The following SMAD2 variants were observed in gnomAD, a reference collection of about 807,000 sequenced individuals.
The protein encoded by SMAD2 is MAD homolog 2.
Under a neutral mutation model 64.4 loss-of-function variants are expected in SMAD2, and 8 were observed. That is an observed-to-expected ratio of 0.12 (90% CI 0.07 to 0.22). The LOEUF (loss-of-function observed/expected upper bound fraction) is 0.22. Among genes scored for constraint, SMAD2 ranks in the 10% least tolerant of loss-of-function variants. The pLI, the probability that SMAD2 is intolerant of heterozygous loss-of-function variation, is 1.00. For synonymous variants in SMAD2, 203 were observed against 195.8 expected (o/e 1.04, Z -0.31); for missense variants, 289 against 561.2 (o/e 0.51, Z 4.90).
In SMAD2 at chr18:47,822,768, C is replaced by T. The variant is rs886904987; in HGVS notation, c.*19059G>A. The stretch of plus-strand genomic sequence containing the variant: ...GATCTTGTTTCAGTGCAACTTCTGC[C>T]TCCAGGGTTCAAGCAATTCTGTCTC... On this transcript the variant is annotated 3_prime_UTR_variant, in exon 11 of 11. Coordinates refer to ENST00000262160, the MANE Select transcript of SMAD2 (RefSeq NM_005901.6). 2 of 152,270 alleles carry T rather than the reference C, an allele frequency of 1.3e-5. No homozygotes were observed. The highest frequency in any genetic ancestry group is 2.4e-5 in the African/African-American group (1 of 41,466). 9.4% of individuals were successfully genotyped at this position (152,270 alleles called of 1,614,324 possible). A position where few individuals can be genotyped will look rare whatever the true frequency, so the allele number is the denominator to read the frequency against.
chr18:47,907,480 C>A (rs1282806620), intron 1 of SMAD2, among the ~76,000 whole-genome samples: 1 of 152,220 alleles, frequency 6.6e-6, no homozygotes, highest in Non-Finnish European at 1.5e-5. Flanking sequence ...AGATGACCAT[C>A]TCAGAGGCAC....
chr18:47,865,034 G>C (rs759162582), intron 6 of SMAD2, 25 bp downstream of exon 6: 1 of 1,376,350 alleles, frequency 7.3e-7, no homozygotes, highest in African/African-American at 1.4e-5. Flanking sequence ...AATAACTGAG[G>C]AATTTTCAAA....
chr18:47,846,976 G>A (rs979206059), intron 8 of SMAD2, among the ~76,000 whole-genome samples: 19 of 152,190 alleles, frequency 1.2e-4, no homozygotes, highest in Non-Finnish European at 2.2e-4. Context: ...AGTCATGCAC[G>A]TGGTCATTGG....
chr18:47,880,139 A>G (rs1246246898), intron 2 of SMAD2, among the ~76,000 whole-genome samples: 1 of 152,220 alleles, frequency 6.6e-6, no homozygotes, highest in Non-Finnish European at 1.5e-5. Flanking sequence ...TTTTAATAAT[A>G]TGTTTTGTAT....
chr18:47,811,567 G>C lies in SMAD2; in HGVS notation c.*30260C>G, dbSNP rs967861625. ...AGGGGCCGCTTTACTTCTGTAAGCT[G>C]GGTTGGGTGAATTGGTCCTCAACCA... On this transcript the variant is annotated 3_prime_UTR_variant, in exon 11 of 11. Transcript: ENST00000262160. The C allele has an allele frequency of 6.6e-6, 1 of 151,848 alleles. No individual in the cohort carries two copies. Among genetic ancestry groups the C allele is most frequent in the Non-Finnish European group, 1.5e-5 (1 of 68,040 alleles). The allele number at this position is 151,848 out of a possible 1,614,324, so 9.4% of individuals were successfully genotyped here.
chr18:47,930,775 G>A (rs1598917586), upstream of SMAD2: 1 of 146,314 alleles, frequency 6.8e-6, no homozygotes, highest in South Asian at 2.1e-4. Context: ...CTCGGCCGCC[G>A]GCCGCCGCGG....
chr18:47,921,926 T>A (rs1411102479), intron 1 of SMAD2, among the ~76,000 whole-genome samples: 1 of 152,216 alleles, frequency 6.6e-6, no homozygotes, highest in African/African-American at 2.4e-5. Context: ...TTAAGAAATT[T>A]AGATAAAGAC....
At chr18:47,845,550 G>T (rs2144288917) in intron 9 of SMAD2, 66 bp from the exon 10 acceptor site, 1 of 1,577,756 alleles carries the variant, frequency 6.3e-7, no homozygotes, top group Non-Finnish European at 8.7e-7. Flanking sequence ...ATTTTAAAAG[G>T]GTTACAAGTT....
intron 2 of SMAD2, chr18:47,882,243 T>G (rs1419109452): frequency 6.6e-6 from 1 of 152,326 alleles, no homozygotes; most frequent in African/African-American, 2.4e-5. Flanking sequence ...TCATGCAGGC[T>G]GGAGTGCACT....
At chr18:47,848,172 A>G (rs1470344928) in intron 8 of SMAD2, among the ~76,000 whole-genome samples, 1 of 152,174 alleles carries the variant, frequency 6.6e-6, no homozygotes, top group Non-Finnish European at 1.5e-5. Context: ...TTAACCCCCA[A>G]ATCTGAACAT....
chr18:47,888,289 G>A (rs1360218269), intron 2 of SMAD2, among the ~76,000 whole-genome samples: 1 of 152,156 alleles, frequency 6.6e-6, no homozygotes, highest in Non-Finnish European at 1.5e-5. Flanking sequence ...AGCTTTCTAG[G>A]TGAACTGACA....
chr18:47,899,222 G>GTTAGTCA (rs1337442037), intron 1 of SMAD2, among the ~76,000 whole-genome samples: 1 of 152,116 alleles, frequency 6.6e-6, no homozygotes, highest in African/African-American at 2.4e-5. Context: ...AGTATTTGGG[G>GTTAGTCA]AACATAAGTG....
At chr18:47,910,844 G>A (rs916452171) in intron 1 of SMAD2, among the ~76,000 whole-genome samples, 14 of 152,124 alleles carry the variant, frequency 9.2e-5, no homozygotes, top group African/African-American at 3.4e-4. Flanking sequence ...ACAGTAGGTC[G>A]TAAGTTTTAG....
chr18:47,830,676 A>G lies in SMAD2; in HGVS notation c.*11151T>C, dbSNP rs562213698. The G allele has an allele frequency of 2.0e-5, 3 of 152,590 alleles. 1 individual carries two copies. The South Asian group carries it at 6.2e-4, about 32-fold the overall frequency. The allele number at this position is 152,590 out of a possible 1,614,324, so 9.5% of individuals were successfully genotyped here. ...TCATTTGTATTAAAATCTTATTTAC[A>G]TGGTACTTATGTAGTTTGATCAAAT... is the stretch of plus-strand genomic sequence containing the variant. On this transcript the variant is annotated 3_prime_UTR_variant, in exon 11 of 11. Transcript: ENST00000262160.
intron 1 of SMAD2, among the ~76,000 whole-genome samples, chr18:47,926,179 A>ATT (rs762556142): frequency 6.6e-6 from 1 of 152,238 alleles, no homozygotes; most frequent in Non-Finnish European, 1.5e-5. Context: ...CATCTTGGTC[A>ATT]TAACAGCTAC....
intron 1 of SMAD2, among the ~76,000 whole-genome samples, chr18:47,912,988 C>A (rs2034199531): frequency 6.6e-6 from 1 of 151,514 alleles, no homozygotes; most frequent in Non-Finnish European, 1.5e-5. Context: ...GGCGTGACCT[C>A]AGCTCACTGC....
intron 2 of SMAD2, among the ~76,000 whole-genome samples, chr18:47,893,797 TA>T (rs2033315114): frequency 6.6e-6 from 1 of 152,106 alleles, no homozygotes; most frequent in African/African-American, 2.4e-5. Context: ...TGTAAAAAGT[TA>T]AAATTTTTTT....
In SMAD2 at chr18:47,826,205, G is replaced by T. The variant is rs1029679783; in HGVS notation, c.*15622C>A. ...AGTTAAAACATTTCAAACCAAATAG[G>T]CCACTCTATTAAGTCCCAGCTTGAG... On this transcript the variant is annotated 3_prime_UTR_variant, in exon 11 of 11. Transcript: ENST00000262160. 1 of 152,176 alleles carries T rather than the reference G, an allele frequency of 6.6e-6. No homozygotes were observed. Among genetic ancestry groups the T allele is most frequent in the Non-Finnish European group, 1.5e-5 (1 of 68,042 alleles). The allele number at this position is 152,176 out of a possible 1,614,324, so 9.4% of individuals were successfully genotyped here.
chr18:47,867,876 A>AT (rs546496490), intron 5 of SMAD2, among the ~76,000 whole-genome samples: 85 of 152,288 alleles, frequency 5.6e-4, no homozygotes, highest in Non-Finnish European at 1.1e-3. Flanking sequence ...AGAACTAAGT[A>AT]TTATATTTCT....
Sources: gnomAD v4.1 joint callset for allele counts (sites outside exome capture counted in the v4.1 genomes callset) on GRCh38, gnomAD v4.1.1 for gene constraint, MANE v1.5 for transcripts, NCBI Gene and HGNC (gene_info 2026-07-23, HGNC 2026-07-21) for gene names.